The following BCLAF3 variants were observed in gnomAD, a reference collection of about 807,000 sequenced individuals.
BCLAF3 encodes the protein transient octamer binding factor 1.
Under a neutral mutation model 51.2 loss-of-function variants are expected in BCLAF3, and 24 were observed. The observed-to-expected ratio is 0.47, with a 90% CI of 0.34 to 0.66. BCLAF3 has a LOEUF of 0.66. BCLAF3 is among the 30% of genes least tolerant of loss of function. The pLI is 0.01. For synonymous variants in BCLAF3, 152 were observed against 176.6 expected (o/e 0.86, Z 1.10); for missense variants, 465 against 525.1 (o/e 0.89, Z 1.12).
chrX:19,933,145 C>A (rs1411013685), intron 10 of BCLAF3, among the ~76,000 whole-genome samples: 2 of 111,946 alleles, frequency 1.8e-5, no homozygotes, highest in Non-Finnish European at 3.8e-5. Context: ...AAGGGAAGAA[C>A]TGGCTGTAGC....
chrX:19,944,722 T>G (rs2071192650), intron 8 of BCLAF3, among the ~76,000 whole-genome samples: 2 of 82,498 alleles, frequency 2.4e-5, no homozygotes, highest in South Asian at 1.0e-3. Flanking sequence ...TTCCTTCATT[T>G]CAACTTTGGT....
intron 11 of BCLAF3, among the ~76,000 whole-genome samples, chrX:19,919,571 C>T (rs957674173): frequency 1.8e-5 from 2 of 108,842 alleles, no homozygotes; most frequent in Admixed American, 9.8e-5. Context: ...AATATGGTTG[C>T]GTTGGCCAGG....
At chrX:19,938,751 C>T (rs1164697495) in intron 8 of BCLAF3, among the ~76,000 whole-genome samples, 1 of 112,785 alleles carries the variant, frequency 8.9e-6, no homozygotes, top group Non-Finnish European at 1.9e-5. Flanking sequence ...CCTGCTTCTA[C>T]ACCTTTGCAT....
intron 11 of BCLAF3, chrX:19,917,939 T>C (rs2069987292): frequency 8.9e-6 from 1 of 111,879 alleles, no homozygotes; most frequent in African/African-American, 3.2e-5. Flanking sequence ...ACTGTGATAC[T>C]ATGCACAATA....
intron 1 of BCLAF3, among the ~76,000 whole-genome samples, chrX:19,983,031 T>C (rs964212266): frequency 6.0e-5 from 6 of 100,461 alleles, no homozygotes; most frequent in Non-Finnish European, 1.2e-4. Context: ...CTCCACTCAC[T>C]GCAACCTCCA....
chrX:19,960,707 G>A (rs747205471), intron 4 of BCLAF3, among the ~76,000 whole-genome samples: 2 of 111,250 alleles, frequency 1.8e-5, no homozygotes, highest in South Asian at 3.8e-4. Context: ...TTCAATCTCA[G>A]TTATGGCTTT....
At chrX:19,960,832 G>A (rs1018764408) in intron 4 of BCLAF3, among the ~76,000 whole-genome samples, 1 of 111,774 alleles carries the variant, frequency 8.9e-6, no homozygotes, top group Non-Finnish European at 1.9e-5. Flanking sequence ...GAGCTGATAG[G>A]GGTAGAGACA....
At chrX:19,933,259 C>G (rs1306537911) in intron 10 of BCLAF3, among the ~76,000 whole-genome samples, 7 of 112,084 alleles carry the variant, frequency 6.2e-5, no homozygotes, top group Admixed American at 9.5e-5. Flanking sequence ...ATATAGACAT[C>G]TAAATAGAAC....
chrX:19,988,915 G>C (rs919529757), intron 1 of BCLAF3, among the ~76,000 whole-genome samples: 1 of 111,887 alleles, frequency 8.9e-6, no homozygotes, highest in African/African-American at 3.3e-5. Flanking sequence ...CGCAATAAAA[G>C]ATGAGAAGCT....
intron 1 of BCLAF3, among the ~76,000 whole-genome samples, chrX:19,985,821 A>T (rs1338308853): frequency 9.1e-6 from 1 of 110,103 alleles, no homozygotes; most frequent in Non-Finnish European, 1.9e-5. Flanking sequence ...GTGGTGCACC[A>T]CTGTAGTCCC....
chrX:19,924,382 T>C (rs2070291091), intron 11 of BCLAF3, among the ~76,000 whole-genome samples: 2 of 111,413 alleles, frequency 1.8e-5, no homozygotes, highest in Admixed American at 1.9e-4. Context: ...GAGAGGTAGG[T>C]AGTGAAACTG....
chrX:19,927,453 T>C (rs140072272), intron 11 of BCLAF3, among the ~76,000 whole-genome samples: 1,518 of 111,948 alleles, frequency 0.014, 10 homozygotes, highest in Middle Eastern at 0.018. Flanking sequence ...GCAAGCTCAG[T>C]GTAAAGGCTT....
chrX:19,929,949 G>GA lies in BCLAF3; in HGVS notation c.1951-10dup, dbSNP rs761549140. The GA allele has an allele frequency of 5.6e-5, 67 of 1,187,311 alleles. No homozygotes were observed. In the African/African-American group the frequency reaches 8.5e-4, roughly 15 times the overall value. ...CCACCTCTAAAGTTGCTCTGTGAAG[G>GA]AAAAAAAAGGAATTAAATGCTAAAA... is the stretch of plus-strand genomic sequence containing the variant. On this transcript the variant is annotated splice_polypyrimidine_tract_variant and intron_variant, in intron 10 of 11. Transcript: ENST00000379682.
chrX:19,963,040 G>A (rs975781867), intron 4 of BCLAF3, among the ~76,000 whole-genome samples: 5 of 107,465 alleles, frequency 4.7e-5, no homozygotes, highest in East Asian at 3.0e-4. Flanking sequence ...AGCCATAATC[G>A]CGCCACTGCA....
chrX:19,923,135 G>A (rs973082365), intron 11 of BCLAF3: 2 of 111,806 alleles, frequency 1.8e-5, no homozygotes, highest in Admixed American at 9.6e-5. Flanking sequence ...AATAATTTAC[G>A]ATAAAAATAT....
At chrX:19,948,271 CACAA>C (rs1334572505) in intron 8 of BCLAF3, among the ~76,000 whole-genome samples, 2 of 112,135 alleles carry the variant, frequency 1.8e-5, no homozygotes, top group East Asian at 2.8e-4. Context: ...CACAGTTATT[CACAA>C]ACAGACAAAA....
chrX:19,933,964 C>T (rs1422269923), intron 10 of BCLAF3, among the ~76,000 whole-genome samples: 1 of 110,399 alleles, frequency 9.1e-6, no homozygotes, highest in African/African-American at 3.3e-5. Context: ...TTTGTAGAGA[C>T]GGGGTTTTGC....
In BCLAF3 at chrX:19,913,135, G is replaced by T. The variant is rs1470298906; in HGVS notation, c.*4170C>A. The stretch of plus-strand genomic sequence containing the variant: ...GTCGCCCAGGCTGGAGTGCAATGGC[G>T]TGGCCTCGGTTCACTGCAACCTTCG... On this transcript the variant is annotated 3_prime_UTR_variant, in exon 12 of 12. Transcript: ENST00000379682. The T allele has an allele frequency of 8.9e-6, 1 of 111,806 alleles. No homozygotes were observed. The highest frequency in any genetic ancestry group is 3.3e-5 in the African/African-American group (1 of 30,715). The allele number at this position is 111,806 out of a possible 1,213,427, so 9.2% of individuals were successfully genotyped here. A position where few individuals can be genotyped will look rare whatever the true frequency, so the allele number is the denominator to read the frequency against.
chrX:19,983,221 G>C (rs2072678703), intron 1 of BCLAF3, among the ~76,000 whole-genome samples: 1 of 103,897 alleles, frequency 9.6e-6, no homozygotes, highest in African/African-American at 3.5e-5. Flanking sequence ...GCCTCCCAAA[G>C]TGCCGGGATT....
Sources: gnomAD v4.1 joint callset for allele counts (sites outside exome capture counted in the v4.1 genomes callset) on GRCh38, gnomAD v4.1.1 for gene constraint, MANE v1.5 for transcripts, NCBI Gene and HGNC (gene_info 2026-07-23, HGNC 2026-07-21) for gene names.